Variants in LAMB4 observed in about 807,000 individuals in gnomAD.
The protein encoded by LAMB4 is laminin subunit beta 4.
LAMB4 carries 196 observed loss-of-function variants against 199.2 expected under a neutral mutation model. That is an observed-to-expected ratio of 0.98 (90% confidence interval 0.88 to 1.11). The LOEUF is 1.11. Among genes scored for constraint, LAMB4 ranks in the 50% least tolerant of loss-of-function variants. The pLI is 0.00. For missense variants in LAMB4, 2,080 were observed against 2,171.2 expected (o/e 0.96, Z 0.83); for synonymous variants, 744 against 770.6 (o/e 0.97, Z 0.57).
intron 15 of LAMB4, among the ~76,000 whole-genome samples, chr7:108,079,151 G>C (rs532803150): frequency 6.6e-6 from 1 of 152,326 alleles, no homozygotes; most frequent in South Asian, 2.1e-4. Flanking sequence ...CTACTAGTGG[G>C]AAACAAGAGG....
At chr7:108,087,935 A>G (rs2037246475) in intron 14 of LAMB4, among the ~76,000 whole-genome samples, 1 of 152,186 alleles carries the variant, frequency 6.6e-6, no homozygotes, top group South Asian at 2.1e-4. Flanking sequence ...AGCTTTTACT[A>G]ACTGAGTACA....
At chr7:108,014,707 G>T in the LAMB4 span, among the ~76,000 whole-genome samples, 1 of 150,310 alleles carries the variant, frequency 6.7e-6, no homozygotes, top group Non-Finnish European at 1.5e-5. Context: ...TTGAAGACTA[G>T]AACTGGTTGT....
intron 28 of LAMB4, among the ~76,000 whole-genome samples, chr7:108,046,673 AGATTT>A (rs1371563414): frequency 1.3e-5 from 2 of 152,116 alleles, no homozygotes. Context: ...AAATCATTAT[AGATTT>A]AATTATAAGG....
At chr7:108,017,082 GTA>G in the LAMB4 span, among the ~76,000 whole-genome samples, 1 of 107,658 alleles carries the variant, frequency 9.3e-6, no homozygotes, top group Non-Finnish European at 2.3e-5. Flanking sequence ...AGAAAACACT[GTA>G]TCTCTGCTCA....
At chr7:108,120,251 T>A (rs901132890) in intron 2 of LAMB4, among the ~76,000 whole-genome samples, 5 of 152,256 alleles carry the variant, frequency 3.3e-5, no homozygotes. Context: ...TTCCTTCGAT[T>A]TGACCTCCAA....
rs150400700 is a variant in LAMB4, at chr7:108,065,467, G to A, written c.2836+295C>T. On this transcript the variant is annotated intron_variant, in intron 21 of 33. Transcript: ENST00000388781. ...TTATCACATTTATATCTTACTTAAC[G>A]TGATAATTTTATTTTAAATAAATTA... Among the ~76,000 whole-genome samples, 139 of 151,794 alleles carry A rather than the reference G, an allele frequency of 9.2e-4. 2 individuals are homozygous for A. The East Asian group carries it at 0.023, about 25-fold the overall frequency.
chr7:108,043,792 G>A lies in LAMB4; in HGVS notation c.4431C>T (p.Asn1477=), dbSNP rs1331108276. 3 of 1,598,264 alleles carry A rather than the reference G, an allele frequency of 1.9e-6. No homozygotes were observed. The highest frequency in any genetic ancestry group is 2.6e-6 in the Non-Finnish European group (3 of 1,169,204). ...TCACTTTTTTGATGAAAAGATTGATGTTTTCTTCTTCAGAGTCACTTTGGT... is the reference window on the plus strand; with the variant it reads ...TCACTTTTTTGATGAAAAGATTGATATTTTCTTCTTCAGAGTCACTTTGGT... ...IRNQSDSEEE[N]INLFIKKVKN... Residue 1477 remains asparagine (N), a synonymous_variant, in exon 29 of 34, where the codon AAC becomes AAT. Transcript: ENST00000388781.
chr7:108,079,744 AAAC>A lies in LAMB4; in HGVS notation c.1741_1743del (p.Val581del), dbSNP rs2036858286. The A allele has an allele frequency of 6.2e-7, 1 of 1,608,058 alleles. No individual in the cohort carries two copies. Among genetic ancestry groups the A allele is most frequent in the Non-Finnish European group, 8.5e-7 (1 of 1,177,848 alleles). ...GGGTTCCCAGGAACTGGCTCTCCTA[AAAC>A]AACGTGAACAGCAGGACTCTGGCCA... On this transcript the variant is annotated inframe_deletion, in exon 15 of 34. Transcript: ENST00000388781.
intron 4 of LAMB4, 101 bp from the exon 5 acceptor site, chr7:108,109,345 A>G: frequency 1.2e-6 from 1 of 850,214 alleles, no homozygotes; most frequent in Non-Finnish European, 1.9e-6. Flanking sequence ...AATCTCTTTG[A>G]TGCCACAAGG....
chr7:108,070,013 G>A (rs2036478177), intron 17 of LAMB4, 128 bp from the exon 18 acceptor site: 2 of 538,436 alleles, frequency 3.7e-6, no homozygotes, highest in Non-Finnish European at 6.1e-6. Context: ...CTTTAAACTG[G>A]TTAAGACTGA....
At chr7:108,056,063 A>T (rs2035976386) in intron 24 of LAMB4, 56 bp from the exon 25 acceptor site, 1 of 1,499,524 alleles carries the variant, frequency 6.7e-7, no homozygotes, top group African/African-American at 1.4e-5. Context: ...GTTGATGACT[A>T]ACTCAAGAAT....
At chr7:108,044,151 T>A in intron 28 of LAMB4, 1 of 306,484 alleles carries the variant, frequency 3.3e-6, no homozygotes, top group Non-Finnish European at 5.9e-6. Flanking sequence ...CGAATTTTTC[T>A]AATATAAGTC....
At chr7:108,048,374 C>T (rs1228449795) in intron 27 of LAMB4, among the ~76,000 whole-genome samples, 6 of 152,130 alleles carry the variant, frequency 3.9e-5, no homozygotes, top group Non-Finnish European at 8.8e-5. Flanking sequence ...CCATTTTGGT[C>T]AGGCTGGTCT....
chr7:108,061,867 T>C (rs906720763), intron 23 of LAMB4, among the ~76,000 whole-genome samples: 5 of 152,178 alleles, frequency 3.3e-5, no homozygotes, highest in Admixed American at 6.5e-5. Flanking sequence ...ACTTGACCTT[T>C]GAATAATAGG....
chr7:108,067,196 A>C (rs750427904), intron 19 of LAMB4, among the ~76,000 whole-genome samples: 8 of 152,162 alleles, frequency 5.3e-5, no homozygotes, highest in Non-Finnish European at 1.0e-4. Context: ...GGCATTTTGT[A>C]ACTTTTCTTA....
Position 108,069,728 on chromosome 7 carries a change from T to C in LAMB4, c.2282A>G (p.Lys761Arg), listed in dbSNP as rs2036466642. The C allele has an allele frequency of 6.2e-7, 1 of 1,613,832 alleles. No individual in the cohort carries two copies. The highest frequency in any genetic ancestry group is 8.5e-7 in the Non-Finnish European group (1 of 1,179,774). Residue 761 changes from lysine (K) to arginine (R), a missense_variant, in exon 18 of 34, where the codon AAG becomes AGG. Transcript: ENST00000388781. ...CERLIISMSA[K>R]LHDGAVACKC... is the part of the protein sequence containing the mutation. ...CTTACCCACAGCCCCATCATGCAGC[T>C]TGGCAGACATGCTGATGATCAGCCT...
intron 14 of LAMB4, among the ~76,000 whole-genome samples, chr7:108,090,583 T>C (rs2037360956): frequency 6.6e-6 from 1 of 152,194 alleles, no homozygotes; most frequent in South Asian, 2.1e-4. Context: ...CTTGATATTA[T>C]TCTATTTAAT....
In LAMB4 at chr7:108,066,578, TC is replaced by T. The variant is rs766627206; in HGVS notation, c.2468del (p.Gly823AspfsTer10). On this transcript the variant is annotated frameshift_variant, in exon 20 of 34. Transcript: ENST00000388781. LOFTEE classifies it high-confidence loss of function. ...CTTGGTCACATACAGTGTCCTTTGA[TC>T]CTTGAGGATGGCAGTGACATGCTGG... Reference protein sequence around the residue: ...GCHPCHCHPQGSKDTVCDQVT... With the variant: ...GCHPCHCHPQXSKDTVCDQVT... The T allele has an allele frequency of 4.3e-6, 7 of 1,610,800 alleles. No individual in the cohort carries two copies. In the South Asian group the frequency reaches 5.5e-5, roughly 13 times the overall value.
At chr7:108,110,723 C>G (rs567382581) in intron 4 of LAMB4, among the ~76,000 whole-genome samples, 3 of 152,228 alleles carry the variant, frequency 2.0e-5, no homozygotes, top group South Asian at 2.1e-4. Flanking sequence ...GGGGTCAAAA[C>G]AGCCATTAAG....
Sources: allele counts gnomAD v4.1 joint callset (sites outside exome capture counted in the v4.1 genomes callset), GRCh38; gene constraint gnomAD v4.1.1; transcripts MANE v1.5; gene names NCBI Gene and HGNC (gene_info 2026-07-23, HGNC 2026-07-21).